Variants in DOCK1 observed in about 807,000 individuals in gnomAD.
DOCK1 encodes dedicator of cytokinesis 1.
A neutral mutation model predicts 262.7 loss-of-function variants in DOCK1; 138 were observed. The observed-to-expected ratio is 0.53, with a 90% CI of 0.46 to 0.61. The LOEUF (loss-of-function observed/expected upper bound fraction) is 0.61. Among genes scored for constraint, DOCK1 ranks in the 20% least tolerant of loss-of-function variants. DOCK1 has a pLI of 0.00. For missense variants in DOCK1, 1,908 were observed against 2,370.7 expected (o/e 0.80, Z 4.05); for synonymous variants, 866 against 867.4 (o/e 1.00, Z 0.03).
intron 27 of DOCK1, among the ~76,000 whole-genome samples, chr10:127,152,917 C>T (rs549736411): frequency 2.6e-5 from 4 of 152,248 alleles, no homozygotes; most frequent in African/African-American, 4.8e-5. Flanking sequence ...GAGGCATGGA[C>T]GGCCAGGTCT....
intron 27 of DOCK1, among the ~76,000 whole-genome samples, chr10:127,140,013 G>A (rs12249755): frequency 0.14 from 21,700 of 152,200 alleles, 1,820 homozygotes; most frequent in African/African-American, 0.22. Context: ...TATACGGTAT[G>A]TTAGGTATAG....
chr10:127,451,283 T>C, intron 51 of DOCK1, 49 bp from the exon 52 acceptor site: 1 of 1,550,050 alleles, frequency 6.5e-7, no homozygotes, highest in Non-Finnish European at 8.7e-7. Context: ...GTGTCTTTTC[T>C]GTCAGGACAT....
chr10:127,198,742 T>C (rs2057326681), intron 27 of DOCK1, among the ~76,000 whole-genome samples: 2 of 38,350 alleles, frequency 5.2e-5, no homozygotes, highest in African/African-American at 9.4e-5. Flanking sequence ...TTGGCATCGC[T>C]TCTTTTTTTT....
intron 28 of DOCK1, among the ~76,000 whole-genome samples, chr10:127,250,239 C>T (rs11016935): frequency 0.4 from 60,437 of 152,020 alleles, 12,232 homozygotes; most frequent in Admixed American, 0.44. Flanking sequence ...AAAGTCCCCA[C>T]GTGCAAACAT....
chr10:127,356,921 C>A (rs2064176073), intron 32 of DOCK1, among the ~76,000 whole-genome samples: 1 of 152,218 alleles, frequency 6.6e-6, no homozygotes, highest in African/African-American at 2.4e-5. Context: ...CAAGAGGACA[C>A]TTGCACATAT....
intron 10 of DOCK1, among the ~76,000 whole-genome samples, chr10:127,006,421 C>CT (rs1333991153): frequency 6.6e-6 from 1 of 152,242 alleles, no homozygotes; most frequent in Non-Finnish European, 1.5e-5. Flanking sequence ...CAGCTGGACT[C>CT]TGTCTTTTCA....
At chr10:127,403,797 A>T (rs2067360595) in intron 39 of DOCK1, among the ~76,000 whole-genome samples, 1 of 152,156 alleles carries the variant, frequency 6.6e-6, no homozygotes, top group Non-Finnish European at 1.5e-5. Flanking sequence ...TGAGAGAGGG[A>T]TGGATAGATA....
intron 28 of DOCK1, among the ~76,000 whole-genome samples, chr10:127,249,293 G>C (rs1303013296): frequency 6.6e-6 from 1 of 151,580 alleles, no homozygotes; most frequent in African/African-American, 2.4e-5. Context: ...TATATCTATA[G>C]TGGCAGCAAT....
chr10:127,104,376 A>T (rs1592042220), intron 23 of DOCK1, among the ~76,000 whole-genome samples: 1 of 152,204 alleles, frequency 6.6e-6, no homozygotes, highest in Non-Finnish European at 1.5e-5. Flanking sequence ...TTCTTCCAAA[A>T]GTTTTACAGT....
chr10:127,215,844 A>G (rs889298769), intron 27 of DOCK1, among the ~76,000 whole-genome samples: 5 of 151,224 alleles, frequency 3.3e-5, no homozygotes, highest in African/African-American at 1.2e-4. Context: ...ACCCCCCAGA[A>G]AACAACAAAA....
At chr10:127,298,385 A>G (rs1405538346) in intron 29 of DOCK1, among the ~76,000 whole-genome samples, 1 of 152,204 alleles carries the variant, frequency 6.6e-6, no homozygotes, top group African/African-American at 2.4e-5. Flanking sequence ...TTGCATTTTC[A>G]GTAAATCATC....
rs185462187 is a variant in DOCK1 at position 126,971,398 on chromosome 10, A to G, written c.130+613A>G. On this transcript the variant is annotated intron_variant, in intron 2 of 51. Transcript: ENST00000623213. ...TGTTAACAGTTGACCACTTGATAAA[A>G]AATAGGTTTAAGATAGTTTACTTCG... is the stretch of plus-strand genomic sequence containing the variant. Among the ~76,000 whole-genome samples, 3 of 152,186 alleles carry G rather than the reference A, an allele frequency of 2.0e-5. No homozygotes were observed. In the East Asian group the frequency reaches 5.8e-4, roughly 30 times the overall value.
chr10:127,409,177 G>T lies in DOCK1; in HGVS notation c.4263G>T (p.Gln1421His). 1 of 1,613,736 alleles carries T rather than the reference G, an allele frequency of 6.2e-7. No individual in the cohort carries two copies. Among genetic ancestry groups the T allele is most frequent in the Non-Finnish European group, 8.5e-7 (1 of 1,179,804 alleles). The part of the protein sequence containing the change: ...PGDDIKNSPG[Q>H]YIQCFTVKPK... ...ACGATATTAAAAACTCTCCTGGCCAGTGTATCCTTTAAGACAACCTCATCA... is the reference window on the plus strand; with the variant it reads ...ACGATATTAAAAACTCTCCTGGCCATTGTATCCTTTAAGACAACCTCATCA... The change falls in exon 41 of 52, where the codon CAG becomes CAT. Residue 1421 changes from glutamine to histidine, a missense_variant and splice_region_variant. Physicochemically the swap from Gln to His is conservative, Grantham distance 24. Coordinates refer to ENST00000623213, the MANE Select transcript of DOCK1 (RefSeq NM_001290223.2).
Position 126,970,687 on chromosome 10 carries a change from C to G in DOCK1, c.47-15C>G. On this transcript the variant is annotated splice_polypyrimidine_tract_variant and intron_variant, in intron 1 of 51. Transcript: ENST00000623213. ...CTTTACTATTACTAATATATTTCCC[C>G]TTTTTTCATCACAGCTTTTTATAAC... The G allele has an allele frequency of 4.4e-6, 7 of 1,600,308 alleles. No individual in the cohort carries two copies. Among genetic ancestry groups the G allele is most frequent in the Non-Finnish European group, 6.0e-6 (7 of 1,167,988 alleles).
intron 23 of DOCK1, among the ~76,000 whole-genome samples, chr10:127,076,736 C>G (rs547284756): frequency 6.6e-6 from 1 of 152,298 alleles, no homozygotes; most frequent in East Asian, 1.9e-4. Flanking sequence ...ACCCAAGACT[C>G]CATTCCAGGC....
At chr10:127,414,746 T>C (rs1020099146) in intron 43 of DOCK1, among the ~76,000 whole-genome samples, 7 of 152,254 alleles carry the variant, frequency 4.6e-5, no homozygotes, top group Non-Finnish European at 7.3e-5. Context: ...CTCCCAAAGA[T>C]GTATTTGCCC....
chr10:127,204,894 C>T (rs1233521812), intron 27 of DOCK1, among the ~76,000 whole-genome samples: 3 of 152,112 alleles, frequency 2.0e-5, no homozygotes, highest in Non-Finnish European at 2.9e-5. Flanking sequence ...ATCCTATGAC[C>T]CGCCTCCAGA....
At position 127,251,088 on chromosome 10, in the gene DOCK1, G is replaced by A. The variant is rs1348839275; in HGVS notation, c.2949+2979G>A. ...AGCGATTCTCCTGCTTCAGCCTCCC[G>A]AGTAGCTGGGATTACAGGCATGCAC... is the stretch of plus-strand genomic sequence containing the variant. On this transcript the variant is annotated intron_variant, in intron 28 of 51. Transcript: ENST00000623213. Among the ~76,000 whole-genome samples the A allele has an allele frequency of 2.6e-5, 4 of 151,736 alleles. No individual in the cohort carries two copies. In the South Asian group the frequency reaches 6.2e-4, roughly 24 times the overall value.
At chr10:127,295,313 G>T (rs2061469232) in intron 29 of DOCK1, among the ~76,000 whole-genome samples, 1 of 152,106 alleles carries the variant, frequency 6.6e-6, no homozygotes, top group African/African-American at 2.4e-5. Flanking sequence ...AGGAGGAGGT[G>T]CCAGCTTCCT....
Sources: gnomAD v4.1 joint callset for allele counts (sites outside exome capture counted in the v4.1 genomes callset) on GRCh38, gnomAD v4.1.1 for gene constraint, MANE v1.5 for transcripts, NCBI Gene and HGNC (gene_info 2026-07-23, HGNC 2026-07-21) for gene names.